The following FAM209A variants were observed in gnomAD, a reference collection of about 807,000 sequenced individuals.
FAM209A encodes protein FAM209A.
FAM209A carries 4 observed loss-of-function variants against 9.8 expected under a neutral mutation model. That is an observed-to-expected ratio of 0.41 (90% CI 0.20 to 0.94). The LOEUF (loss-of-function observed/expected upper bound fraction) is 0.94. Among genes scored for constraint, FAM209A ranks in the 40% least tolerant of loss-of-function variants. The probability of loss-of-function intolerance (pLI) is 0.32; values close to 1 mark genes in which losing one functional copy is unlikely to be tolerated. For missense variants in FAM209A, 205 were observed against 209.4 expected, an observed-to-expected ratio of 0.98 and a Z score of 0.13; for synonymous variants, 55 against 77.8, an observed-to-expected ratio of 0.71 and a Z score of 1.54.
the FAM209A span, among the ~76,000 whole-genome samples, chr20:56,531,974 C>CTTTTCTTTTTTTT: frequency 8.8e-6 from 1 of 113,034 alleles, no homozygotes; most frequent in Non-Finnish European, 1.7e-5. Flanking sequence ...CTTTTCTTTT[C>CTTTTCTTTTTTTT]TTTTTTTTTT....
At chr20:56,528,601 CA>C (rs993456553), downstream of FAM209A, among the ~76,000 whole-genome samples, 674 of 146,658 alleles carry the variant, frequency 4.6e-3, 6 homozygotes, top group African/African-American at 0.016. Context: ...ACCTTGTGTC[CA>C]AAAAAAAAAG....
Position 56,525,668 on chromosome 20 carries a change from G to A in FAM209A, c.250-136G>A. 19 of 865,948 alleles carry A rather than the reference G, an allele frequency of 2.2e-5. No homozygotes were observed. The South Asian group carries it at 3.1e-4, about 14-fold the overall frequency. 53.6% of individuals were successfully genotyped at this position (865,948 alleles called of 1,614,324 possible). On this transcript the variant is annotated intron_variant, in intron 1 of 1. Transcript: ENST00000371328. ...GGCAAACCCTTCCCGTAAAGGGCCA[G>A]GGAGGGTGCGAATATCTTCAGCTTT...
chr20:56,532,492 T>C, the FAM209A span, among the ~76,000 whole-genome samples: 2 of 140,762 alleles, frequency 1.4e-5, no homozygotes, highest in African/African-American at 2.8e-5. Flanking sequence ...TTTTTTTTTT[T>C]TTTTTTTTTT....
rs779958758 is a variant in FAM209A at position 56,525,800 on chromosome 20, A to C, written c.250-4A>C. 4 of 1,612,270 alleles carry C rather than the reference A, an allele frequency of 2.5e-6. No homozygotes were observed. The Admixed American group carries it at 6.7e-5, about 27-fold the overall frequency. ...TTACTGACCTTGAGTATCTTTCCTG[A>C]CAGGAGCAGAGTCCTCCTGGCCTTC... is the stretch of plus-strand genomic sequence containing the variant. On this transcript the variant is annotated splice_region_variant and splice_polypyrimidine_tract_variant and intron_variant, in intron 1 of 1. Transcript: ENST00000371328.
Position 56,524,938 on chromosome 20 carries a change from A to G in FAM209A, c.130A>G (p.Ile44Val), listed in dbSNP as rs565141407. 2 of 1,614,074 alleles carry G rather than the reference A, an allele frequency of 1.2e-6. No homozygotes were observed. The highest frequency in any genetic ancestry group is 2.7e-5 in the African/African-American group (2 of 74,920). The part of the protein sequence containing the change: ...GKVQYGEHFR[I>V]RQNLPEHTQG... ...GGTGCAATACGGAGAGCACTTTCGG[A>G]TTCGGCAGAATCTACCAGAGCACAC... Residue 44 changes from isoleucine to valine, a missense_variant, in exon 1 of 2, where the codon ATT (isoleucine) becomes GTT (valine). By Grantham distance (29) the Ile-to-Val change is conservative. Transcript: ENST00000371328.
At chr20:56,529,690 G>GTGT (rs1263403962), downstream of FAM209A, among the ~76,000 whole-genome samples, 1 of 150,926 alleles carries the variant, frequency 6.6e-6, no homozygotes, top group Non-Finnish European at 1.5e-5. Flanking sequence ...TTAGTTGGGT[G>GTGT]TGTTGGCGTG....
chr20:56,531,104 C>T (rs1985729174), downstream of FAM209A, among the ~76,000 whole-genome samples: 1 of 152,104 alleles, frequency 6.6e-6, no homozygotes, highest in Admixed American at 6.6e-5. Context: ...CCTCAGTTGT[C>T]AAGCTAGCTG....
At chr20:56,533,291 G>T in the FAM209A span, 4 of 1,604,480 alleles carry the variant, frequency 2.5e-6, no homozygotes, top group South Asian at 4.4e-5. Flanking sequence ...TTCCAGTTGC[G>T]AGGGCAAGCA....
chr20:56,528,539 T>A (rs1985635753), downstream of FAM209A, among the ~76,000 whole-genome samples: 1 of 151,160 alleles, frequency 6.6e-6, no homozygotes, highest in Non-Finnish European at 1.5e-5. Flanking sequence ...AGGTGGAGGT[T>A]GCAGTGAGCT....
At chr20:56,532,322 T>C in the FAM209A span, among the ~76,000 whole-genome samples, 1 of 151,894 alleles carries the variant, frequency 6.6e-6, no homozygotes, top group Non-Finnish European at 1.5e-5. Flanking sequence ...CTGCTGTCAA[T>C]GATGGTATGT....
chr20:56,531,949 TTTTTC>T, the FAM209A span, among the ~76,000 whole-genome samples: 1,371 of 126,288 alleles, frequency 0.011, 26 homozygotes, highest in African/African-American at 0.032. Context: ...GTATACTCTT[TTTTTC>T]TTTTCTTTTC....
At chr20:56,533,569 A>G in the FAM209A span, 12 of 1,614,192 alleles carry the variant, frequency 7.4e-6, no homozygotes, top group Non-Finnish European at 9.3e-6. Flanking sequence ...TGCAGTGTCA[A>G]AGAGACAGTG....
chr20:56,525,971 AG>A lies in FAM209A; in HGVS notation c.419del (p.Gly140ValfsTer46). On this transcript the variant is annotated frameshift_variant, in exon 2 of 2. Coordinates refer to ENST00000371328, the MANE Select transcript of FAM209A (RefSeq NM_001012971.4). LOFTEE classifies it low-confidence loss of function (END_TRUNC). ...VRNLKRAMATGSGSNLRLRKS... is the reference protein window; with the variant it reads ...VRNLKRAMATXSGSNLRLRKS... Reference sequence around the variant, plus strand: ...GGAATCTTAAACGTGCCATGGCAACAGGTAGTGGCAGTAACCTCAGGCTTCG... The same window carrying A: ...GGAATCTTAAACGTGCCATGGCAACAGTAGTGGCAGTAACCTCAGGCTTCG... 1 of 1,614,244 alleles carries A rather than the reference AG, an allele frequency of 6.2e-7. No homozygotes were observed.
In FAM209A at chr20:56,525,996, C is replaced by T. The variant is rs752842594; in HGVS notation, c.442C>T (p.Arg148Ter). 8.1e-6 allele frequency: 13 copies of T among 1,613,944 alleles called. No homozygotes were observed. Among genetic ancestry groups the T allele is most frequent in the East Asian group, 2.2e-5 (1 of 44,900 alleles). ...AGGTAGTGGCAGTAACCTCAGGCTT[C>T]GAAAGTCAGAGATGCCTGCAGATCC... is the stretch of plus-strand genomic sequence containing the variant. ...ATGSGSNLRLRKSEMPADPYH... is the reference protein window; with the variant it reads ...ATGSGSNLRL Residue 148 changes from arginine to a stop codon, truncating the protein, a stop_gained, in exon 2 of 2, where the codon CGA (arginine) becomes TGA (stop). Coordinates refer to ENST00000371328, the MANE Select transcript of FAM209A (RefSeq NM_001012971.4). LOFTEE classifies it low-confidence loss of function (END_TRUNC).
chr20:56,527,420 T>G (rs1419533645), downstream of FAM209A, among the ~76,000 whole-genome samples: 1 of 152,216 alleles, frequency 6.6e-6, no homozygotes, highest in African/African-American at 2.4e-5. Flanking sequence ...CAGGTTCCCT[T>G]TCTTGGAGAA....
At chr20:56,530,063 C>T (rs1985691618), downstream of FAM209A, among the ~76,000 whole-genome samples, 1 of 150,114 alleles carries the variant, frequency 6.7e-6, no homozygotes, top group South Asian at 2.1e-4. Context: ...CACCCACCCA[C>T]CCACACACCC....
chr20:56,528,931 C>T (rs189802703), downstream of FAM209A, among the ~76,000 whole-genome samples: 172 of 152,202 alleles, frequency 1.1e-3, no homozygotes, highest in African/African-American at 3.9e-3. Context: ...AAAGAAGACC[C>T]GGCATGGTGG....
At position 56,525,938 on chromosome 20, in the gene FAM209A, C is replaced by G. The variant is rs2274022; in HGVS notation, c.384C>G (p.Ser128=). ...ELEVELMKFV[S]KVRNLKRAMA... ...AGGTGGAGCTTATGAAATTTGTGTC[C>G]AAAGTGCGGAATCTTAAACGTGCCA... is the stretch of plus-strand genomic sequence containing the variant. The change falls in exon 2 of 2, where the codon TCC becomes TCG. Residue 128 remains serine (S), a synonymous_variant. Coordinates refer to ENST00000371328, the MANE Select transcript of FAM209A (RefSeq NM_001012971.4). The G allele has an allele frequency of 5.0e-6, 8 of 1,613,994 alleles. No homozygotes were observed. Among genetic ancestry groups the G allele is most frequent in the Non-Finnish European group, 6.8e-6 (8 of 1,180,042 alleles).
chr20:56,529,674 C>A (rs185014127), downstream of FAM209A, among the ~76,000 whole-genome samples: 2 of 151,796 alleles, frequency 1.3e-5, no homozygotes, highest in African/African-American at 4.8e-5. Flanking sequence ...ACTAAAAGTA[C>A]AAAAATTAGT....
Sources: allele counts gnomAD v4.1 joint callset (sites outside exome capture counted in the v4.1 genomes callset), GRCh38; gene constraint gnomAD v4.1.1; transcripts MANE v1.5; gene names NCBI Gene and HGNC (gene_info 2026-07-23, HGNC 2026-07-21).